CAMKMT: variants seen among roughly 807,000 people sequenced by gnomAD.
CAMKMT encodes the protein calmodulin-lysine N-methyltransferase.
In CAMKMT, 53 loss-of-function variants were observed where a neutral mutation model predicts 48.0. The observed-to-expected ratio is 1.10, with a 90% CI of 0.89 to 1.39. The LOEUF is 1.39. CAMKMT is among the 40% of genes most tolerant of loss of function. CAMKMT has a pLI of 0.00. For synonymous variants in CAMKMT, 165 were observed against 152.3 expected, an observed-to-expected ratio of 1.08 and a Z score of -0.61; for missense variants, 428 against 402.7, an observed-to-expected ratio of 1.06 and a Z score of -0.54.
At chr2:44,756,490 C>G (rs1318464270) in intron 9 of CAMKMT, among the ~76,000 whole-genome samples, 1 of 151,986 alleles carries the variant, frequency 6.6e-6, no homozygotes, top group Non-Finnish European at 1.5e-5. Context: ...ACTTGTAATC[C>G]CAGCACTTTG....
intron 3 of CAMKMT, among the ~76,000 whole-genome samples, chr2:44,602,450 A>G (rs1259429369): frequency 6.6e-6 from 1 of 152,132 alleles, no homozygotes; most frequent in Non-Finnish European, 1.5e-5. Flanking sequence ...ATTTTATAGT[A>G]AACACACATA....
intron 3 of CAMKMT, among the ~76,000 whole-genome samples, chr2:44,481,686 C>T (rs1207594223): frequency 1.3e-5 from 2 of 151,954 alleles, no homozygotes; most frequent in African/African-American, 2.4e-5. Context: ...AAAACATTCC[C>T]TAATGATAAA....
At chr2:44,511,557 G>A (rs1670555920) in intron 3 of CAMKMT, among the ~76,000 whole-genome samples, 1 of 152,190 alleles carries the variant, frequency 6.6e-6, no homozygotes, top group South Asian at 2.1e-4. Flanking sequence ...CCAAAGTGTT[G>A]GGATTACAGA....
intron 3 of CAMKMT, among the ~76,000 whole-genome samples, chr2:44,416,568 A>ATTTTTTTTTTTTT (rs34882377): frequency 1.2e-5 from 1 of 80,274 alleles, no homozygotes; most frequent in Non-Finnish European, 2.4e-5. Flanking sequence ...ACTTAGCATG[A>ATTTTTTTTTTTTT]TTTTTTTTTT....
chr2:44,721,483 T>C (rs1390404943), intron 7 of CAMKMT, among the ~76,000 whole-genome samples: 1 of 152,214 alleles, frequency 6.6e-6, no homozygotes, highest in Non-Finnish European at 1.5e-5. Context: ...TCTTAATTCT[T>C]CTTTTAATAT....
At chr2:44,668,714 C>T (rs1482130713) in intron 3 of CAMKMT, among the ~76,000 whole-genome samples, 4 of 152,108 alleles carry the variant, frequency 2.6e-5, no homozygotes, top group Admixed American at 2.0e-4. Flanking sequence ...AATAGTGTGC[C>T]CTTACCTCCA....
chr2:44,456,578 CA>C, intron 3 of CAMKMT: 4 of 1,549,580 alleles, frequency 2.6e-6, no homozygotes, highest in Non-Finnish European at 3.5e-6. Flanking sequence ...GGGAAGCAAC[CA>C]GGGGAAAATG....
intron 3 of CAMKMT, among the ~76,000 whole-genome samples, chr2:44,656,141 C>G (rs1402135133): frequency 1.3e-5 from 2 of 152,122 alleles, no homozygotes; most frequent in Non-Finnish European, 2.9e-5. Flanking sequence ...TCTGAAGCAT[C>G]AGAGAAGCAT....
chr2:44,563,485 C>G (rs1668438138), intron 3 of CAMKMT, among the ~76,000 whole-genome samples: 1 of 151,304 alleles, frequency 6.6e-6, no homozygotes, highest in Non-Finnish European at 1.5e-5. Flanking sequence ...TTATTATTAT[C>G]CCCCATACTT....
chr2:44,372,750 G>A lies in CAMKMT; in HGVS notation c.173G>A (p.Arg58Gln), dbSNP rs759924384. Residue 58 changes from arginine (R) to glutamine (Q), a missense_variant, in exon 2 of 11, where the codon CGA (arginine) becomes CAA (glutamine). Transcript: ENST00000378494. ...CAAAAACACCTGGATGATTGCCTGC[G>A]ACATGTATCTGTAAGAAGATTTGAA... The part of the protein sequence containing the change: ...LKQKHLDDCL[R>Q]HVSVRRFESF... 7.4e-6 allele frequency: 12 copies of A among 1,613,178 alleles called. No individual in the cohort carries two copies. Among genetic ancestry groups the A allele is most frequent in the South Asian group, 3.3e-5 (3 of 90,962 alleles).
chr2:44,668,336 T>C (rs993399969), intron 3 of CAMKMT, among the ~76,000 whole-genome samples: 4 of 152,236 alleles, frequency 2.6e-5, no homozygotes, highest in African/African-American at 9.6e-5. Flanking sequence ...CTAGGCATTC[T>C]TCTTATGCTT....
intron 3 of CAMKMT, among the ~76,000 whole-genome samples, chr2:44,406,256 G>A (rs890475493): frequency 3.3e-5 from 5 of 151,752 alleles, no homozygotes; most frequent in Admixed American, 6.6e-5. Context: ...CTAACCAAGC[G>A]CCTTTGTCAT....
At chr2:44,720,898 C>T (rs936885465) in intron 7 of CAMKMT, among the ~76,000 whole-genome samples, 3 of 152,046 alleles carry the variant, frequency 2.0e-5, no homozygotes, top group African/African-American at 4.8e-5. Context: ...TTTTATTTCT[C>T]TTAAGTTTAT....
intron 3 of CAMKMT, among the ~76,000 whole-genome samples, chr2:44,576,489 T>A (rs1236458975): frequency 6.6e-6 from 1 of 152,198 alleles, no homozygotes; most frequent in Admixed American, 6.5e-5. Flanking sequence ...GAAGCAGTCA[T>A]CTGCTAAAAA....
At chr2:44,390,204 T>A in intron 2 of CAMKMT, 37 bp from the exon 3 acceptor site, 1 of 1,540,998 alleles carries the variant, frequency 6.5e-7, no homozygotes, top group Non-Finnish European at 8.9e-7. Context: ...TGTTAACATT[T>A]CAGAATCATT....
chr2:44,568,159 G>A (rs1367465058), intron 3 of CAMKMT, among the ~76,000 whole-genome samples: 2 of 152,134 alleles, frequency 1.3e-5, no homozygotes, highest in African/African-American at 4.8e-5. Flanking sequence ...GTAGGGCAAA[G>A]TGTTCTAAAC....
At chr2:44,755,679 C>T (rs370616259) in intron 9 of CAMKMT, among the ~76,000 whole-genome samples, 3 of 152,126 alleles carry the variant, frequency 2.0e-5, no homozygotes, top group Admixed American at 6.5e-5. Flanking sequence ...TAGACCTAAA[C>T]GCAGATTAGA....
chr2:44,416,195 G>T (rs1022238434), intron 3 of CAMKMT, among the ~76,000 whole-genome samples: 2 of 152,150 alleles, frequency 1.3e-5, no homozygotes, highest in African/African-American at 4.8e-5. Context: ...TGTGTTTGAA[G>T]AAAGAGGGAT....
rs571525287 is a variant in CAMKMT at position 44,503,168 on chromosome 2, G to T, written c.376+112863G>T. Among the ~76,000 whole-genome samples the T allele has an allele frequency of 1.2e-4, 18 of 152,030 alleles. No homozygotes were observed. In the East Asian group the frequency reaches 3.5e-3, roughly 29 times the overall value. On this transcript the variant is annotated intron_variant, in intron 3 of 10. Transcript: ENST00000378494. ...CCCATATTCCATATTTCTTTTGTTA[G>T]TGTAATAACCAATTTTTTTTTCCAG...
Sources: gnomAD v4.1 joint callset for allele counts (sites outside exome capture counted in the v4.1 genomes callset) on GRCh38, gnomAD v4.1.1 for gene constraint, MANE v1.5 for transcripts, NCBI Gene and HGNC (gene_info 2026-07-23, HGNC 2026-07-21) for gene names.